Variants in TSPYL1 observed in about 807,000 individuals in gnomAD.
The protein encoded by TSPYL1 is TSPY like 1.
Under a neutral mutation model 20.1 loss-of-function variants are expected in TSPYL1, and 16 were observed. The observed-to-expected ratio is 0.80, with a 90% CI of 0.54 to 1.21. TSPYL1 has a LOEUF of 1.21. TSPYL1 is among the 50% of genes most tolerant of loss of function. The probability of loss-of-function intolerance (pLI) is 0.00; values close to 1 mark genes in which losing one functional copy is unlikely to be tolerated. For missense variants in TSPYL1, 560 were observed against 569.3 expected (o/e 0.98, Z 0.17); for synonymous variants, 259 against 227.1 (o/e 1.14, Z -1.26).
Position 116,279,121 on chromosome 6 carries a change from A to G in TSPYL1, c.710T>C (p.Leu237Pro), listed in dbSNP as rs1226660035. The G allele has an allele frequency of 6.2e-7, 1 of 1,614,112 alleles. No individual in the cohort carries two copies. The highest frequency in any genetic ancestry group is 8.5e-7 in the Non-Finnish European group (1 of 1,180,018). ...CTGAGCATTCACAGTGTCCAGTTCCAGCTGGATGGCCTCCAGAGGGTCCAT... is the reference window on the plus strand; with the variant it reads ...CTGAGCATTCACAGTGTCCAGTTCCGGCTGGATGGCCTCCAGAGGGTCCAT... ...LRMDPLEAIQ[L>P]ELDTVNAQAD... The change falls in exon 1 of 1, where the codon CTG (leucine) becomes CCG (proline). Residue 237 changes from leucine (L) to proline (P), a missense_variant. Leu to Pro is a moderately conservative substitution (Grantham distance 98, BLOSUM62 -3). Coordinates refer to ENST00000368608, the MANE Select transcript of TSPYL1 (RefSeq NM_003309.4).
chr6:116,278,479 T>C lies in TSPYL1; in HGVS notation c.*38A>G, dbSNP rs369990802. 8 of 1,612,394 alleles carry C rather than the reference T, an allele frequency of 5.0e-6. No individual in the cohort carries two copies. In the African/African-American group the frequency reaches 8.0e-5, roughly 16 times the overall value. Reference sequence around the variant, plus strand: ...CAAGCACAGGTCCAGCAGAAGGTGGTAGGAGACCTTGTGCAGGAGTATTCC... The same window carrying C: ...CAAGCACAGGTCCAGCAGAAGGTGGCAGGAGACCTTGTGCAGGAGTATTCC... On this transcript the variant is annotated 3_prime_UTR_variant, in exon 1 of 1. Coordinates refer to ENST00000368608, the MANE Select transcript of TSPYL1 (RefSeq NM_003309.4).
Position 116,277,659 on chromosome 6 carries a change from G to A in TSPYL1, c.*858C>T. On this transcript the variant is annotated 3_prime_UTR_variant, in exon 1 of 1. Transcript: ENST00000368608. The stretch of plus-strand genomic sequence containing the variant: ...CTGAGCTATCACTTTTTTAAGAGAG[G>A]ATTGGGAGGCTAAGGAGGGCGGATC... 6.6e-6 allele frequency: 1 copy of A among 152,068 alleles called. No homozygotes were observed. 9.4% of individuals were successfully genotyped at this position (152,068 alleles called of 1,614,324 possible).
At position 116,278,317 on chromosome 6, in the gene TSPYL1, G is replaced by A. The variant is rs998775950; in HGVS notation, c.*200C>T. On this transcript the variant is annotated 3_prime_UTR_variant, in exon 1 of 1. Coordinates refer to ENST00000368608, the MANE Select transcript of TSPYL1 (RefSeq NM_003309.4). ...ATGTGATATTCCAGAACAGCATGAAGGTCATATGGAAGTGGAGAAGCATAC... is the reference window on the plus strand; with the variant it reads ...ATGTGATATTCCAGAACAGCATGAAAGTCATATGGAAGTGGAGAAGCATAC... 17 of 633,280 alleles carry A rather than the reference G, an allele frequency of 2.7e-5. No individual in the cohort carries two copies. The highest frequency in any genetic ancestry group is 1.4e-4 in the Admixed American group (5 of 35,688). 39.2% of individuals were successfully genotyped at this position (633,280 alleles called of 1,614,324 possible).
chr6:116,279,410 C>CGG lies in TSPYL1; in HGVS notation c.419_420dup (p.Ala141ProfsTer5). The stretch of plus-strand genomic sequence containing the variant: ...TCCGCCCCCGCCGTCAGCTCAGACG[C>CGG]GGATCTCTGGGCGCCACAGATTTCT... On this transcript the variant is annotated frameshift_variant, in exon 1 of 1. Transcript: ENST00000368608. LOFTEE classifies it low-confidence loss of function (END_TRUNC). The CGG allele has an allele frequency of 6.2e-7, 1 of 1,613,350 alleles. No homozygotes were observed. The highest frequency in any genetic ancestry group is 8.5e-7 in the Non-Finnish European group (1 of 1,180,036).
chr6:116,279,184 T>A lies in TSPYL1; in HGVS notation c.647A>T (p.Glu216Val), dbSNP rs753490319. Residue 216 changes from glutamate to valine, a missense_variant, in exon 1 of 1, where the codon GAG (glutamate) becomes GTG (valine). Coordinates refer to ENST00000368608, the MANE Select transcript of TSPYL1 (RefSeq NM_003309.4). Reference protein sequence around the residue: ...EEDRLEEEAREEEGPWPLHEA... With the variant: ...EEDRLEEEARVEEGPWPLHEA... ...ATGCAAAGGCCAGGGCCCTTCTTCC[T>A]CCCTCGCCTCCTCCTCCAATCTATC... 2 of 1,611,992 alleles carry A rather than the reference T, an allele frequency of 1.2e-6. No homozygotes were observed. The highest frequency in any genetic ancestry group is 2.2e-5 in the South Asian group (2 of 91,028).
rs777325662 is a variant in TSPYL1 at position 116,279,009 on chromosome 6, A to G, written c.822T>C (p.Asn274=). 19 of 1,613,972 alleles carry G rather than the reference A, an allele frequency of 1.2e-5. No homozygotes were observed. Among genetic ancestry groups the G allele is most frequent in the South Asian group, 7.7e-5 (7 of 91,086 alleles). Residue 274 remains asparagine, a synonymous_variant, in exon 1 of 1, where the codon AAT becomes AAC. Coordinates refer to ENST00000368608, the MANE Select transcript of TSPYL1 (RefSeq NM_003309.4). The part of the protein sequence containing the change: ...YLERRNYIIQ[N]IPGFWMTAFR... ...AAGCAGTCATCCAGAAGCCCGGGAT[A>G]TTCTGAATGATGTAGTTCCTCCGCT...
At position 116,277,883 on chromosome 6, in the gene TSPYL1, CAG is replaced by C. The variant is rs1261591265; in HGVS notation, c.*632_*633del. 8.7e-6 allele frequency: 1 copy of C among 115,562 alleles called. No individual in the cohort carries two copies. The highest frequency in any genetic ancestry group is 1.6e-5 in the Non-Finnish European group (1 of 62,260). 7.2% of individuals were successfully genotyped at this position (115,562 alleles called of 1,614,324 possible). On this transcript the variant is annotated 3_prime_UTR_variant, in exon 1 of 1. Coordinates refer to ENST00000368608, the MANE Select transcript of TSPYL1 (RefSeq NM_003309.4). Reference sequence around the variant, plus strand: ...CGCCACTGCACTCCAACCTGGGCGACAGAGCAAGACTCCGTCCTCCGTCTCAA... The same window carrying C: ...CGCCACTGCACTCCAACCTGGGCGACAGCAAGACTCCGTCCTCCGTCTCAA...
In TSPYL1 at chr6:116,276,069, A is replaced by G. The variant is rs944661153; in HGVS notation, c.*2448T>C. On this transcript the variant is annotated 3_prime_UTR_variant, in exon 1 of 1. Transcript: ENST00000368608. ...TTCACTGTAATGAATAATTATGTTA[A>G]TTTTCTAGAACAGAGGTCCCTCCAA... Among the ~76,000 whole-genome samples the G allele has an allele frequency of 6.6e-6, 1 of 152,094 alleles. No homozygotes were observed. Among genetic ancestry groups the G allele is most frequent in the African/African-American group, 2.4e-5 (1 of 41,396 alleles).
chr6:116,278,919 T>A lies in TSPYL1; in HGVS notation c.912A>T (p.Ile304=). The part of the protein sequence containing the change: ...RGQDAEMLRY[I]TNLEVKELRH... ...TGAGTTCCTTCACCTCTAAATTGGTTATGTACCTTAACATCTCTGCATCTT... is the reference window on the plus strand; with the variant it reads ...TGAGTTCCTTCACCTCTAAATTGGTAATGTACCTTAACATCTCTGCATCTT... Residue 304 remains isoleucine, a synonymous_variant, in exon 1 of 1, where the codon ATA becomes ATT. Transcript: ENST00000368608. 1 of 1,614,116 alleles carries A rather than the reference T, an allele frequency of 6.2e-7. No individual in the cohort carries two copies.
Position 116,278,846 on chromosome 6 carries a change from G to A in TSPYL1, c.985C>T (p.Pro329Ser). 1 of 1,614,082 alleles carries A rather than the reference G, an allele frequency of 6.2e-7. No homozygotes were observed. Among genetic ancestry groups the A allele is most frequent in the East Asian group, 2.2e-5 (1 of 44,876 alleles). ...CKFKFFFRRNPYFRNKLIVKE... is the reference protein window; with the variant it reads ...CKFKFFFRRNSYFRNKLIVKE... ...ACAATCAGCTTGTTTCTGAAGTAGG[G>A]GTTTCTTCTAAAGAAGAACTTGAAC... The change falls in exon 1 of 1, where the codon CCC becomes TCC. Residue 329 changes from proline to serine, a missense_variant. Pro to Ser is a moderately conservative substitution (Grantham distance 74). Coordinates refer to ENST00000368608, the MANE Select transcript of TSPYL1 (RefSeq NM_003309.4).
chr6:116,277,490 G>GT lies in TSPYL1; in HGVS notation c.*1026dup, dbSNP rs1182794075. ...GTGTCTCTCTTTAACTATTCTAGGAGTTGATAAAAGGGCTAGGAAGTAGGA... is the reference window on the plus strand; with the variant it reads ...GTGTCTCTCTTTAACTATTCTAGGAGTTTGATAAAAGGGCTAGGAAGTAGGA... On this transcript the variant is annotated 3_prime_UTR_variant, in exon 1 of 1. Transcript: ENST00000368608. 6.6e-6 allele frequency: 1 copy of GT among 152,346 alleles called. No individual in the cohort carries two copies. The highest frequency in any genetic ancestry group is 1.5e-5 in the Non-Finnish European group (1 of 68,064). 9.4% of individuals were successfully genotyped at this position (152,346 alleles called of 1,614,324 possible). A position where few individuals can be genotyped will look rare whatever the true frequency, so the allele number is the denominator to read the frequency against.
In TSPYL1 at chr6:116,277,299, C is replaced by T. The variant is rs1773189911; in HGVS notation, c.*1218G>A. On this transcript the variant is annotated 3_prime_UTR_variant, in exon 1 of 1. Coordinates refer to ENST00000368608, the MANE Select transcript of TSPYL1 (RefSeq NM_003309.4). ...AACACTTTAACCCCTTCAATTCTCC[C>T]TGAAAAGTATTTTTCCATTCATCAT... 1 of 152,664 alleles carries T rather than the reference C, an allele frequency of 6.6e-6. No homozygotes were observed. 9.5% of individuals were successfully genotyped at this position (152,664 alleles called of 1,614,324 possible).
chr6:116,279,361 G>C lies in TSPYL1; in HGVS notation c.470C>G (p.Thr157Arg), dbSNP rs1773341426. Residue 157 changes from threonine (T) to arginine (R), a missense_variant, in exon 1 of 1, where the codon ACA (threonine) becomes AGA (arginine). Physicochemically the swap from Thr to Arg is moderately conservative, Grantham distance 71. Coordinates refer to ENST00000368608, the MANE Select transcript of TSPYL1 (RefSeq NM_003309.4). ...TGCTGAGACGGTGGCGCACTTTCCT[G>C]TCTTCACCTCCTCCGCCTCAGCCTC... The part of the protein sequence containing the change: ...GAEAEAEEVK[T>R]GKCATVSAAV... 1 of 1,611,770 alleles carries C rather than the reference G, an allele frequency of 6.2e-7. No homozygotes were observed. Among genetic ancestry groups the C allele is most frequent in the East Asian group, 2.2e-5 (1 of 44,876 alleles).
rs887347643 is a variant in TSPYL1 at position 116,278,351 on chromosome 6, G to T, written c.*166C>A. Reference sequence around the variant, plus strand: ...GAAGTGGAGAAGCATACCCACCACCGTCTCAATCTTGAGGTTGAGAGAACT... The same window carrying T: ...GAAGTGGAGAAGCATACCCACCACCTTCTCAATCTTGAGGTTGAGAGAACT... On this transcript the variant is annotated 3_prime_UTR_variant, in exon 1 of 1. Transcript: ENST00000368608. 1.1e-5 allele frequency: 9 copies of T among 798,666 alleles called. No homozygotes were observed. The highest frequency in any genetic ancestry group is 1.7e-5 in the African/African-American group (1 of 57,940). 49.5% of individuals were successfully genotyped at this position (798,666 alleles called of 1,614,324 possible).
rs1459934209 is a variant in TSPYL1, at chr6:116,279,668, C to A, written c.163G>T (p.Glu55Ter). 6.2e-7 allele frequency: 1 copy of A among 1,607,910 alleles called. No homozygotes were observed. The highest frequency in any genetic ancestry group is 2.2e-5 in the East Asian group (1 of 44,890). ...GGTGGAGGCGGGAGCGCGACGGTCT[C>A]CGAGCCTCCCTCACCCGGCTCCGCC... Reference protein sequence around the residue: ...VMAEPGEGGSETVALPPPPPS... With the variant: ...VMAEPGEGGS Residue 55 changes from glutamate to a stop codon, truncating the protein, a stop_gained, in exon 1 of 1, where the codon GAG becomes TAG. Coordinates refer to ENST00000368608, the MANE Select transcript of TSPYL1 (RefSeq NM_003309.4). LOFTEE classifies it low-confidence loss of function (END_TRUNC).
Position 116,279,499 on chromosome 6 carries a change from G to A in TSPYL1, c.332C>T (p.Ala111Val), listed in dbSNP as rs1448665401. The change falls in exon 1 of 1, where the codon GCT becomes GTT. Residue 111 changes from alanine to valine, a missense_variant. Physicochemically the swap from Ala to Val is moderately conservative, Grantham distance 64. Transcript: ENST00000368608. ...GQPPAEGLAA[A>V]SVVMAADRSL... ...GCGGTCGGCTGCCATCACCACAGAA[G>A]CGGCTGCCAGGCCTTCGGCGGGAGG... 1.7e-5 allele frequency: 28 copies of A among 1,610,758 alleles called. No individual in the cohort carries two copies. The highest frequency in any genetic ancestry group is 2.2e-5 in the Non-Finnish European group (26 of 1,180,024).
Position 116,277,234 on chromosome 6 carries a change from CTG to C in TSPYL1, c.*1281_*1282del, listed in dbSNP as rs1773185169. On this transcript the variant is annotated 3_prime_UTR_variant, in exon 1 of 1. Coordinates refer to ENST00000368608, the MANE Select transcript of TSPYL1 (RefSeq NM_003309.4). ...AAGTAAGAAAGCATTCAAAGTTGCG[CTG>C]TCTTTCTTTAAAGAACCCTTGTCTA... 6.6e-6 allele frequency: 1 copy of C among 152,612 alleles called. No individual in the cohort carries two copies. The highest frequency in any genetic ancestry group is 2.4e-5 in the African/African-American group (1 of 41,458). 9.5% of individuals were successfully genotyped at this position (152,612 alleles called of 1,614,324 possible).
chr6:116,279,196 T>G lies in TSPYL1; in HGVS notation c.635A>C (p.Glu212Ala). ...GGGCCCTTCTTCCTCCCTCGCCTCC[T>G]CCTCCAATCTATCCTCCTCCGCCAC... The part of the protein sequence containing the change: ...IEVAEEDRLE[E>A]EAREEEGPWP... The change falls in exon 1 of 1, where the codon GAG (glutamate) becomes GCG (alanine). Residue 212 changes from glutamate to alanine, a missense_variant. Transcript: ENST00000368608. 1.2e-6 allele frequency: 2 copies of G among 1,610,930 alleles called. No homozygotes were observed. The highest frequency in any genetic ancestry group is 1.7e-6 in the Non-Finnish European group (2 of 1,179,584).
At position 116,279,898 on chromosome 6, in the gene TSPYL1, C is replaced by T. The variant is rs1462481131; in HGVS notation, c.-68G>A. The T allele has an allele frequency of 1.9e-6, 3 of 1,605,802 alleles. No homozygotes were observed. The highest frequency in any genetic ancestry group is 2.2e-5 in the East Asian group (1 of 44,862). On this transcript the variant is annotated 5_prime_UTR_variant, in exon 1 of 1. Coordinates refer to ENST00000368608, the MANE Select transcript of TSPYL1 (RefSeq NM_003309.4). ...CTCAGAGGCCGAACTGGGAGCTAAC[C>T]GCCGCTCGCACCGCCCACCCTACAG...
Sources: allele counts gnomAD v4.1 joint callset (sites outside exome capture counted in the v4.1 genomes callset), GRCh38; gene constraint gnomAD v4.1.1; transcripts MANE v1.5; gene names NCBI Gene and HGNC (gene_info 2026-07-23, HGNC 2026-07-21).